The following METTL25 variants were observed in gnomAD, a reference collection of about 807,000 sequenced individuals.
METTL25 encodes the protein probable methyltransferase-like protein 25.
In METTL25, 64 loss-of-function variants were observed where a neutral mutation model predicts 71.6. The ratio of observed to expected loss-of-function variants is 0.89; its 90% confidence interval spans 0.73 to 1.10. The LOEUF is 1.10. Among genes scored for constraint, METTL25 ranks in the 50% least tolerant of loss-of-function variants. The pLI is 0.00. For missense variants in METTL25, 807 were observed against 707.0 expected (o/e 1.14, Z -1.60); for synonymous variants, 287 against 250.3 (o/e 1.15, Z -1.38).
chr12:82,476,623 T>G, intron 9 of METTL25, 21 bp from the exon 10 acceptor site: 1 of 1,463,602 alleles, frequency 6.8e-7, no homozygotes, highest in East Asian at 2.3e-5. Context: ...GTTAAATTTA[T>G]TGTTGTTTTT....
intron 3 of METTL25, among the ~76,000 whole-genome samples, chr12:82,395,707 A>G (rs1409453165): frequency 1.3e-5 from 2 of 152,068 alleles, no homozygotes; most frequent in African/African-American, 4.8e-5. Context: ...CAACATTGGG[A>G]TACTCAGAAG....
chr12:82,469,719 G>A (rs568605803), intron 9 of METTL25, among the ~76,000 whole-genome samples: 4 of 151,950 alleles, frequency 2.6e-5, no homozygotes, highest in South Asian at 2.1e-4. Context: ...TATTATTGAG[G>A]TTAATCTTTA....
chr12:82,365,828 A>C (rs1323496660), intron 1 of METTL25, among the ~76,000 whole-genome samples: 1 of 152,146 alleles, frequency 6.6e-6, no homozygotes, highest in Non-Finnish European at 1.5e-5. Context: ...CACGCCTGCA[A>C]TCCCAGCACT....
intron 9 of METTL25, among the ~76,000 whole-genome samples, chr12:82,457,622 G>A (rs769731683): frequency 1.1e-4 from 17 of 152,010 alleles, no homozygotes; most frequent in African/African-American, 3.9e-4. Flanking sequence ...ATAGCTATAA[G>A]AAAGCCATAG....
At chr12:82,472,700 C>A (rs970278219) in intron 9 of METTL25, among the ~76,000 whole-genome samples, 1 of 152,114 alleles carries the variant, frequency 6.6e-6, no homozygotes, top group Non-Finnish European at 1.5e-5. Context: ...CAATTTGGTT[C>A]TTTTTTGTAT....
At chr12:82,375,817 A>G (rs897727753) in intron 1 of METTL25, among the ~76,000 whole-genome samples, 21 of 152,348 alleles carry the variant, frequency 1.4e-4, no homozygotes, top group African/African-American at 4.8e-4. Flanking sequence ...GATCAGTGGA[A>G]TTTATCCCTT....
chr12:82,411,794 T>C (rs1363406713), intron 5 of METTL25, among the ~76,000 whole-genome samples: 2 of 151,924 alleles, frequency 1.3e-5, no homozygotes, highest in Non-Finnish European at 2.9e-5. Flanking sequence ...ACAAAGGTCT[T>C]ACTTAACTTT....
chr12:82,410,712 C>T lies in METTL25; in HGVS notation c.1279+7582C>T, dbSNP rs115032555. 3.7e-3 allele frequency among the ~76,000 whole-genome samples: 564 copies of T among 152,026 alleles called. 3 individuals carry two copies. The highest frequency in any genetic ancestry group is 0.013 in the African/African-American group (539 of 41,492). ...GAAGAGGGAGGAAGAGGAGTTGAGA[C>T]CAAAGGAGGAAACTATGAGCCATAA... On this transcript the variant is annotated intron_variant, in intron 5 of 11. Transcript: ENST00000248306.
chr12:82,441,684 C>T (rs1020334489), intron 8 of METTL25, among the ~76,000 whole-genome samples: 1 of 150,428 alleles, frequency 6.6e-6, no homozygotes, highest in African/African-American at 2.4e-5. Flanking sequence ...AATCTAGAAC[C>T]ACCAATAGGC....
chr12:82,363,726 A>T (rs1882225536), intron 1 of METTL25, among the ~76,000 whole-genome samples: 1 of 81,226 alleles, frequency 1.2e-5, no homozygotes. Flanking sequence ...AAAAAACTAG[A>T]TGTTTAAAAA....
intron 9 of METTL25, chr12:82,459,856 C>A (rs184577977): frequency 7.9e-5 from 12 of 152,254 alleles, no homozygotes; most frequent in African/African-American, 2.9e-4. Flanking sequence ...ACTGAGTCAC[C>A]TTTGCTCTAT....
At chr12:82,378,656 C>G (rs1258409332) in intron 1 of METTL25, among the ~76,000 whole-genome samples, 1 of 152,114 alleles carries the variant, frequency 6.6e-6, no homozygotes, top group African/African-American at 2.4e-5. Context: ...CCCTCAAAAT[C>G]CCTTATTAGT....
intron 1 of METTL25, among the ~76,000 whole-genome samples, chr12:82,381,088 A>G (rs2136916730): frequency 6.6e-6 from 1 of 152,352 alleles, no homozygotes; most frequent in South Asian, 2.1e-4. Context: ...GTAAAACACT[A>G]AGTCTCATAG....
intron 5 of METTL25, among the ~76,000 whole-genome samples, chr12:82,406,338 C>T (rs1165506070): frequency 6.6e-6 from 1 of 151,916 alleles, no homozygotes; most frequent in Non-Finnish European, 1.5e-5. Context: ...CAAAGTAAGT[C>T]CCCGTACCTA....
chr12:82,384,717 T>C (rs2136933798), intron 1 of METTL25, among the ~76,000 whole-genome samples: 1 of 152,276 alleles, frequency 6.6e-6, no homozygotes, highest in East Asian at 1.9e-4. Flanking sequence ...ATTTAATTCA[T>C]GTTGGATTGG....
intron 9 of METTL25, among the ~76,000 whole-genome samples, chr12:82,474,944 C>T (rs1892796845): frequency 6.6e-6 from 1 of 151,992 alleles, no homozygotes; most frequent in African/African-American, 2.4e-5. Context: ...GAGGAAATGC[C>T]CACGGTTACA....
chr12:82,370,943 A>G (rs1196688891), intron 1 of METTL25, among the ~76,000 whole-genome samples: 1 of 152,222 alleles, frequency 6.6e-6, no homozygotes, highest in African/African-American at 2.4e-5. Flanking sequence ...ACTGCATGCA[A>G]TAACTCCATG....
Position 82,358,712 on chromosome 12 carries a change from G to A in METTL25, c.147G>A (p.Glu49=), listed in dbSNP as rs149113678. The change falls in exon 1 of 12, where the codon GAG becomes GAA. Residue 49 remains glutamate, a synonymous_variant. Coordinates refer to ENST00000248306, the MANE Select transcript of METTL25 (RefSeq NM_032230.3). ...TCTACACAGAATCCGTGTGGGAGGAGCTGGTCGACTTGCCACCGGAGACAG... is the reference window on the plus strand; with the variant it reads ...TCTACACAGAATCCGTGTGGGAGGAACTGGTCGACTTGCCACCGGAGACAG... ...VDFYTESVWE[E]LVDLPPETVL... 20 of 1,614,080 alleles carry A rather than the reference G, an allele frequency of 1.2e-5. No homozygotes were observed. The African/African-American group carries it at 2.3e-4, about 18-fold the overall frequency.
chr12:82,457,475 A>G (rs575251526), intron 9 of METTL25, among the ~76,000 whole-genome samples: 1 of 152,034 alleles, frequency 6.6e-6, no homozygotes, highest in South Asian at 2.1e-4. Flanking sequence ...TTTCTTGAAA[A>G]TGTTACAAGG....
Sources: gnomAD v4.1 joint callset for allele counts (sites outside exome capture counted in the v4.1 genomes callset) on GRCh38, gnomAD v4.1.1 for gene constraint, MANE v1.5 for transcripts, NCBI Gene and HGNC (gene_info 2026-07-23, HGNC 2026-07-21) for gene names.